The following HS3ST3A1 variants were observed in gnomAD, a reference collection of about 807,000 sequenced individuals.
HS3ST3A1 encodes the protein heparan sulfate-glucosamine 3-sulfotransferase 3A1, also known as heparan sulfate glucosamine 3-O-sulfotransferase 3A1.
In HS3ST3A1, 19 loss-of-function variants were observed where a neutral mutation model predicts 25.7. That is an observed-to-expected ratio of 0.74 (90% CI 0.52 to 1.08). The LOEUF is 1.08. HS3ST3A1 is among the 50% of genes least tolerant of loss of function. The pLI is 0.00. For synonymous variants in HS3ST3A1, 226 were observed against 278.6 expected (o/e 0.81, Z 1.88); for missense variants, 459 against 594.3 (o/e 0.77, Z 2.37).
intron 1 of HS3ST3A1, among the ~76,000 whole-genome samples, chr17:13,520,299 G>A (rs1906189746): frequency 6.6e-6 from 1 of 152,122 alleles, no homozygotes; most frequent in Admixed American, 6.5e-5. Flanking sequence ...GCAGTGATGC[G>A]AAACAAAATC....
At chr17:13,592,631 A>G (rs1908458759) in intron 1 of HS3ST3A1, among the ~76,000 whole-genome samples, 1 of 152,232 alleles carries the variant, frequency 6.6e-6, no homozygotes, top group Admixed American at 6.5e-5. Context: ...AAGTGAATGA[A>G]CGATTCAAAG....
chr17:13,573,812 A>C (rs1237199319), intron 1 of HS3ST3A1, among the ~76,000 whole-genome samples: 1 of 152,184 alleles, frequency 6.6e-6, no homozygotes, highest in Non-Finnish European at 1.5e-5. Context: ...AGATGAAGGC[A>C]TGAGGGTGGA....
At position 13,496,266 on chromosome 17, in the gene HS3ST3A1, G is replaced by T. The variant is rs767095174; in HGVS notation, c.1152C>A (p.Arg384=). The part of the protein sequence containing the change: ...EIDREVVRRL[R]EFYRPFNLKF... ...TGAGGTTGAAAGGCCGGTAGAACTC[G>T]CGCAGCCTGCGCACCACCTCGCGGT... The change falls in exon 2 of 2, where the codon CGC becomes CGA. Residue 384 remains arginine, a synonymous_variant. Coordinates refer to ENST00000284110, the MANE Select transcript of HS3ST3A1 (RefSeq NM_006042.3). 4.6e-6 allele frequency: 7 copies of T among 1,536,824 alleles called. No homozygotes were observed. In the African/African-American group the frequency reaches 5.6e-5, roughly 12 times the overall value.
At chr17:13,572,917 G>A (rs1003141867) in intron 1 of HS3ST3A1, among the ~76,000 whole-genome samples, 24 of 152,130 alleles carry the variant, frequency 1.6e-4, no homozygotes, top group African/African-American at 1.2e-4. Flanking sequence ...ACCCTTTTCC[G>A]CCACAAGACC....
rs562952984 is a variant in HS3ST3A1 at position 13,519,125 on chromosome 17, A to G, written c.600-22307T>C. On this transcript the variant is annotated intron_variant, in intron 1 of 1. Transcript: ENST00000284110. ...CATTGTACTTCCATACACTGAAAGTATTGATGTACCCTCTAAGAAATTGAA... is the reference window on the plus strand; with the variant it reads ...CATTGTACTTCCATACACTGAAAGTGTTGATGTACCCTCTAAGAAATTGAA... Among the ~76,000 whole-genome samples the G allele has an allele frequency of 2.0e-5, 3 of 152,364 alleles. No individual in the cohort carries two copies. The South Asian group carries it at 6.2e-4, about 32-fold the overall frequency.
At chr17:13,597,079 T>C (rs726799) in intron 1 of HS3ST3A1, among the ~76,000 whole-genome samples, 82,656 of 151,860 alleles carry the variant, frequency 0.54, 22,724 homozygotes, top group Admixed American at 0.59. Flanking sequence ...ATTGTCCAGA[T>C]TTGGCTAAAG....
In HS3ST3A1 at chr17:13,600,760, G is replaced by A; in HGVS notation, c.370C>T (p.Pro124Ser). The change falls in exon 1 of 2, where the codon CCG becomes TCG. Residue 124 changes from proline (P) to serine (S), a missense_variant. Physicochemically the swap from Pro to Ser is moderately conservative, Grantham distance 74 (BLOSUM62 -1). Coordinates refer to ENST00000284110, the MANE Select transcript of HS3ST3A1 (RefSeq NM_006042.3). ...EEESPGLSGG[P>S]GGSGAGSTVA... is the part of the protein sequence containing the mutation. ...GTGCTTCCGGCCCCGGAGCCGCCCG[G>A]ACCCCCTGACAGGCCAGGGGACTCT... 6.6e-7 allele frequency: 1 copy of A among 1,509,946 alleles called. No homozygotes were observed. The highest frequency in any genetic ancestry group is 8.8e-7 in the Non-Finnish European group (1 of 1,136,550). 93.5% of individuals were successfully genotyped at this position (1,509,946 alleles called of 1,614,324 possible).
intron 1 of HS3ST3A1, among the ~76,000 whole-genome samples, chr17:13,586,812 G>C (rs1239947374): frequency 7.5e-6 from 1 of 133,768 alleles, no homozygotes; most frequent in Non-Finnish European, 1.6e-5. Flanking sequence ...AGAGCTTGCA[G>C]TGAGCAGAGA....
At chr17:13,578,562 CAA>C (rs536270780) in intron 1 of HS3ST3A1, among the ~76,000 whole-genome samples, 26,947 of 84,980 alleles carry the variant, frequency 0.32, 2,813 homozygotes, top group South Asian at 0.48. Context: ...GACTCCATCT[CAA>C]AAAAAAAAAA....
intron 1 of HS3ST3A1, among the ~76,000 whole-genome samples, chr17:13,542,842 C>T (rs1161592496): frequency 1.3e-5 from 2 of 152,090 alleles, no homozygotes; most frequent in Non-Finnish European, 2.9e-5. Flanking sequence ...ACTACCACCA[C>T]ACACACACCT....
chr17:13,581,484 C>T lies in HS3ST3A1; in HGVS notation c.599+19047G>A, dbSNP rs8079237. On this transcript the variant is annotated intron_variant, in intron 1 of 1. Coordinates refer to ENST00000284110, the MANE Select transcript of HS3ST3A1 (RefSeq NM_006042.3). The stretch of plus-strand genomic sequence containing the variant: ...TCTATCTCAAAAAAAAAAAAAAAAA[C>T]GTAGAAACTTCCTAATTAATAAACT... Among the ~76,000 whole-genome samples, 7 of 133,752 alleles carry T rather than the reference C, an allele frequency of 5.2e-5. No individual in the cohort carries two copies. In the East Asian group the frequency reaches 8.8e-4, roughly 17 times the overall value. 87.7% of individuals were successfully genotyped at this position (133,752 alleles called of 152,430 possible).
At chr17:13,529,746 A>G (rs1906544057) in intron 1 of HS3ST3A1, among the ~76,000 whole-genome samples, 1 of 152,172 alleles carries the variant, frequency 6.6e-6, no homozygotes, top group Admixed American at 6.5e-5. Context: ...TTGTGGGTTG[A>G]CTTTGAGGAA....
chr17:13,535,449 A>C (rs1906742800), intron 1 of HS3ST3A1, among the ~76,000 whole-genome samples: 1 of 152,212 alleles, frequency 6.6e-6, no homozygotes, highest in Non-Finnish European at 1.5e-5. Flanking sequence ...TATGAGAGCT[A>C]AAACAAGAAG....
At chr17:13,513,994 C>T (rs1004470700) in intron 1 of HS3ST3A1, among the ~76,000 whole-genome samples, 3 of 152,128 alleles carry the variant, frequency 2.0e-5, no homozygotes, top group African/African-American at 7.2e-5. Context: ...ATTTAAATTG[C>T]TTCTAGTAAG....
At chr17:13,505,614 C>T (rs1439582990) in intron 1 of HS3ST3A1, among the ~76,000 whole-genome samples, 1 of 150,978 alleles carries the variant, frequency 6.6e-6, no homozygotes, top group Non-Finnish European at 1.5e-5. Flanking sequence ...GGCTAGATAG[C>T]TGATTTATGA....
At chr17:13,594,011 C>G (rs980312515) in intron 1 of HS3ST3A1, among the ~76,000 whole-genome samples, 1 of 152,102 alleles carries the variant, frequency 6.6e-6, no homozygotes, top group African/African-American at 2.4e-5. Flanking sequence ...GCTTAGCGGT[C>G]TTGGCGTTGT....
chr17:13,520,896 T>C (rs1239656868), intron 1 of HS3ST3A1, among the ~76,000 whole-genome samples: 2 of 152,190 alleles, frequency 1.3e-5, no homozygotes, highest in Non-Finnish European at 2.9e-5. Context: ...ATTTAGATTT[T>C]TAAGTGCTTA....
intron 1 of HS3ST3A1, among the ~76,000 whole-genome samples, chr17:13,565,551 T>C (rs1907656493): frequency 7.1e-6 from 1 of 140,724 alleles, no homozygotes; most frequent in East Asian, 2.2e-4. Context: ...AATAAGTAAG[T>C]AAAATAAAAA....
chr17:13,544,952 C>A (rs1023132042), intron 1 of HS3ST3A1, among the ~76,000 whole-genome samples: 3 of 152,148 alleles, frequency 2.0e-5, no homozygotes, highest in Non-Finnish European at 2.9e-5. Context: ...GGGCAATTCC[C>A]CCCAGAACAT....
Sources: gnomAD v4.1 joint callset for allele counts (sites outside exome capture counted in the v4.1 genomes callset) on GRCh38, gnomAD v4.1.1 for gene constraint, MANE v1.5 for transcripts, NCBI Gene and HGNC (gene_info 2026-07-23, HGNC 2026-07-21) for gene names.